Variants in LRRIQ3 observed in about 807,000 individuals in gnomAD.
LRRIQ3 encodes leucine-rich repeat and IQ domain-containing protein 3.
Under a neutral mutation model 59.3 loss-of-function variants are expected in LRRIQ3, and 75 were observed. The ratio of observed to expected loss-of-function variants is 1.26; its 90% CI spans 1.05 to 1.53. The LOEUF is 1.53. Ranked by LOEUF, LRRIQ3 falls within the 40% of genes most tolerant of loss-of-function variation. The probability of loss-of-function intolerance (pLI) is 0.00; values close to 1 mark genes in which losing one functional copy is unlikely to be tolerated. For synonymous variants in LRRIQ3, 250 were observed against 231.3 expected (o/e 1.08, Z -0.73); for missense variants, 831 against 710.0 (o/e 1.17, Z -1.94).
intron 6 of LRRIQ3, among the ~76,000 whole-genome samples, chr1:74,053,357 C>T (rs939727023): frequency 1.3e-5 from 2 of 151,852 alleles, no homozygotes; most frequent in Non-Finnish European, 2.9e-5. Flanking sequence ...AACCAAAGTT[C>T]CATGAAAGAA....
At chr1:74,155,890 T>C (rs148193468) in intron 3 of LRRIQ3, 24 bp from the exon 4 acceptor site, 13,454 of 1,178,692 alleles carry the variant, frequency 0.011, 117 homozygotes, top group Non-Finnish European at 0.014. Context: ...ATATAATTAA[T>C]AATTTTTATC....
chr1:74,116,725 T>A (rs1284305538), intron 4 of LRRIQ3, among the ~76,000 whole-genome samples: 1 of 152,074 alleles, frequency 6.6e-6, no homozygotes, highest in African/African-American at 2.4e-5. Flanking sequence ...ATGTTTAGAA[T>A]GCTTTAAAAG....
At chr1:74,148,000 T>C (rs566296025) in intron 4 of LRRIQ3, among the ~76,000 whole-genome samples, 1 of 152,358 alleles carries the variant, frequency 6.6e-6, no homozygotes, top group East Asian at 1.9e-4. Flanking sequence ...TTAACTGTGT[T>C]CCTTTATATC....
Position 74,131,536 on chromosome 1 carries a change from T to A in LRRIQ3, c.708-21983A>T, listed in dbSNP as rs376046094. Among the ~76,000 whole-genome samples the A allele has an allele frequency of 5.9e-5, 9 of 152,326 alleles. No homozygotes were observed. The East Asian group carries it at 1.7e-3, about 29-fold the overall frequency. On this transcript the variant is annotated intron_variant, in intron 4 of 7. Coordinates refer to ENST00000354431, the MANE Select transcript of LRRIQ3 (RefSeq NM_001105659.2). Reference sequence around the variant, plus strand: ...AAAAAGCTTATCCACCATGATCAAGTGGGCTTCAACCCTGGGATTCAAGGC... The same window carrying A: ...AAAAAGCTTATCCACCATGATCAAGAGGGCTTCAACCCTGGGATTCAAGGC...
chr1:74,143,334 A>G (rs1354590631), intron 4 of LRRIQ3, among the ~76,000 whole-genome samples: 1 of 151,982 alleles, frequency 6.6e-6, no homozygotes, highest in African/African-American at 2.4e-5. Context: ...ATAGTAGAAG[A>G]AAGCACATCT....
chr1:74,084,006 T>C, intron 5 of LRRIQ3: 2 of 510,346 alleles, frequency 3.9e-6, no homozygotes. Context: ...TGTTAATAAA[T>C]GCTAGCTTGA....
intron 1 of LRRIQ3, among the ~76,000 whole-genome samples, chr1:74,188,870 C>A (rs887745116): frequency 3.3e-5 from 5 of 152,034 alleles, no homozygotes; most frequent in African/African-American, 1.2e-4. Flanking sequence ...ATTGTAAATT[C>A]CTTTATTTTT....
intron 3 of LRRIQ3, among the ~76,000 whole-genome samples, chr1:74,161,321 T>A (rs1018815117): frequency 2.6e-5 from 4 of 152,074 alleles, no homozygotes; most frequent in African/African-American, 4.8e-5. Flanking sequence ...CTGGCCACAT[T>A]TAGACCATAG....
chr1:74,105,638 A>G (rs753233646), intron 5 of LRRIQ3, among the ~76,000 whole-genome samples: 25 of 152,132 alleles, frequency 1.6e-4, no homozygotes, highest in Admixed American at 4.6e-4. Context: ...ACAGCTCATC[A>G]GATTTAAAAA....
At chr1:74,097,465 A>C (rs1307413204) in intron 5 of LRRIQ3, among the ~76,000 whole-genome samples, 1 of 152,180 alleles carries the variant, frequency 6.6e-6, no homozygotes, top group African/African-American at 2.4e-5. Context: ...AATGGAACCA[A>C]GTTGGAAAAC....
At chr1:74,089,949 T>C (rs904374108) in intron 5 of LRRIQ3, among the ~76,000 whole-genome samples, 1 of 151,970 alleles carries the variant, frequency 6.6e-6, no homozygotes, top group African/African-American at 2.4e-5. Flanking sequence ...ATTAACATAA[T>C]AGCAAGAGAC....
At chr1:74,123,725 T>C (rs1040380098) in intron 4 of LRRIQ3, among the ~76,000 whole-genome samples, 1 of 152,070 alleles carries the variant, frequency 6.6e-6, no homozygotes, top group African/African-American at 2.4e-5. Context: ...ACACTTAGGT[T>C]ACTTTCAAAT....
At chr1:74,031,717 A>T (rs1569994407) in intron 7 of LRRIQ3, among the ~76,000 whole-genome samples, 1 of 152,086 alleles carries the variant, frequency 6.6e-6, no homozygotes, top group African/African-American at 2.4e-5. Flanking sequence ...CATATGTAAC[A>T]AACCTGCACG....
intron 4 of LRRIQ3, among the ~76,000 whole-genome samples, chr1:74,122,727 T>A (rs941886323): frequency 1.3e-5 from 2 of 152,126 alleles, no homozygotes; most frequent in Admixed American, 1.3e-4. Flanking sequence ...ATAAAAGCCC[T>A]AGAAGAAAAC....
At chr1:74,030,231 G>T (rs1312243497) in intron 7 of LRRIQ3, among the ~76,000 whole-genome samples, 1 of 151,946 alleles carries the variant, frequency 6.6e-6, no homozygotes, top group Non-Finnish European at 1.5e-5. Context: ...TCCCCATCAA[G>T]CTACCAATGA....
chr1:74,158,898 A>G (rs543209380), intron 3 of LRRIQ3, among the ~76,000 whole-genome samples: 2 of 152,074 alleles, frequency 1.3e-5, no homozygotes, highest in South Asian at 2.1e-4. Context: ...TGTTAGCCCA[A>G]CTTTAGTTGA....
intron 7 of LRRIQ3, among the ~76,000 whole-genome samples, chr1:74,037,867 A>C (rs567935713): frequency 6.6e-6 from 1 of 152,126 alleles, no homozygotes; most frequent in Non-Finnish European, 1.5e-5. Flanking sequence ...GGATTGGAGG[A>C]TCCCACTCAT....
At chr1:74,109,221 T>C (rs1195355435) in intron 5 of LRRIQ3, 173 bp downstream of exon 5, 7 of 566,932 alleles carry the variant, frequency 1.2e-5, no homozygotes, top group East Asian at 3.4e-5. Context: ...CACAAAAATA[T>C]ATTTGTATTA....
chr1:74,040,392 A>G (rs1654008743), intron 7 of LRRIQ3, among the ~76,000 whole-genome samples: 1 of 152,158 alleles, frequency 6.6e-6, no homozygotes, highest in South Asian at 2.1e-4. Context: ...TGAGACATAA[A>G]ATTAACAAGG....
Sources: allele counts gnomAD v4.1 joint callset (sites outside exome capture counted in the v4.1 genomes callset), GRCh38; gene constraint gnomAD v4.1.1; transcripts MANE v1.5; gene names NCBI Gene and HGNC (gene_info 2026-07-23, HGNC 2026-07-21).